Variants in MAML3 observed in about 807,000 individuals in gnomAD.
The protein encoded by MAML3 is mastermind-like protein 3.
MAML3 carries 27 observed loss-of-function variants against 101.9 expected under a neutral mutation model. The ratio of observed to expected loss-of-function variants is 0.27; its 90% CI spans 0.20 to 0.37. The LOEUF is 0.37. Among genes scored for constraint, MAML3 ranks in the 10% least tolerant of loss-of-function variants. The pLI is 1.00. For synonymous variants in MAML3, 501 were observed against 555.9 expected (o/e 0.90, Z 1.39); for missense variants, 1,316 against 1,444.9 (o/e 0.91, Z 1.45).
At chr4:140,011,377 G>A (rs892580133) in intron 1 of MAML3, among the ~76,000 whole-genome samples, 3 of 122,168 alleles carry the variant, frequency 2.5e-5, no homozygotes, top group East Asian at 2.7e-4. Context: ...TCCCTCTGTC[G>A]CCCAGGCCGG....
At chr4:139,923,618 TTGTGTGTG>T (rs3079902) in intron 1 of MAML3, among the ~76,000 whole-genome samples, 1 of 150,320 alleles carries the variant, frequency 6.7e-6, no homozygotes, top group African/African-American at 2.4e-5. Context: ...GGGGTAGTCT[TTGTGTGTG>T]TGTGTGTGTG....
intron 1 of MAML3, among the ~76,000 whole-genome samples, chr4:140,066,424 C>T (rs1727537222): frequency 6.6e-6 from 1 of 152,198 alleles, no homozygotes; most frequent in South Asian, 2.1e-4. Flanking sequence ...CATCGCTCTA[C>T]TTGCTGTTCT....
At chr4:140,099,489 C>G (rs1238108999) in intron 1 of MAML3, among the ~76,000 whole-genome samples, 1 of 152,084 alleles carries the variant, frequency 6.6e-6, no homozygotes, top group Non-Finnish European at 1.5e-5. Context: ...GTCTCGAACT[C>G]CTGGGTTCCA....
intron 2 of MAML3, among the ~76,000 whole-genome samples, chr4:139,770,280 A>G (rs1237892233): frequency 6.6e-6 from 1 of 152,154 alleles, no homozygotes; most frequent in Non-Finnish European, 1.5e-5. Flanking sequence ...AGAAATTTTC[A>G]TTACCTTTGC....
chr4:139,812,884 C>T (rs532067075), intron 2 of MAML3, among the ~76,000 whole-genome samples: 2 of 149,000 alleles, frequency 1.3e-5, no homozygotes, highest in South Asian at 2.1e-4. Flanking sequence ...AAAATGCAGA[C>T]TCCGAATAAA....
At chr4:140,134,650 G>A (rs886097171) in intron 1 of MAML3, 2 of 266,098 alleles carry the variant, frequency 7.5e-6, no homozygotes, top group African/African-American at 4.5e-5. Context: ...TTTTTTTCCA[G>A]TAGATTTTGG....
chr4:140,065,362 AG>A (rs1441871728), intron 1 of MAML3, among the ~76,000 whole-genome samples: 5 of 152,120 alleles, frequency 3.3e-5, no homozygotes, highest in African/African-American at 1.2e-4. Flanking sequence ...AGAAGCGGAA[AG>A]AAAAGAAGTA....
chr4:140,151,112 G>C (rs955651460), intron 1 of MAML3, among the ~76,000 whole-genome samples: 2 of 152,084 alleles, frequency 1.3e-5, no homozygotes, highest in African/African-American at 4.8e-5. Context: ...GCTGGGCCGC[G>C]AGGCGGACAA....
chr4:139,832,108 T>TCAC (rs1477403833), intron 2 of MAML3, among the ~76,000 whole-genome samples: 8 of 128,368 alleles, frequency 6.2e-5, no homozygotes, highest in African/African-American at 1.7e-4. Flanking sequence ...TTTTTTTTTT[T>TCAC]TTTTTTTTTT....
chr4:139,915,874 C>A (rs1733017080), intron 1 of MAML3, among the ~76,000 whole-genome samples: 1 of 152,114 alleles, frequency 6.6e-6, no homozygotes, highest in Admixed American at 6.5e-5. Flanking sequence ...GCCAGAGTAA[C>A]CCTGCTAACA....
At chr4:139,813,747 C>T (rs1383421734) in intron 2 of MAML3, among the ~76,000 whole-genome samples, 2 of 152,064 alleles carry the variant, frequency 1.3e-5, no homozygotes, top group South Asian at 2.1e-4. Flanking sequence ...CTCGGGGTGC[C>T]GGCTCTGCAG....
chr4:139,877,331 G>T (rs1732135324), intron 2 of MAML3, among the ~76,000 whole-genome samples: 1 of 152,062 alleles, frequency 6.6e-6, no homozygotes, highest in Admixed American at 6.6e-5. Context: ...TAGGAAAGCA[G>T]CATTTCCCCC....
chr4:139,892,930 CAA>C (rs572440211), intron 1 of MAML3, among the ~76,000 whole-genome samples: 11 of 69,870 alleles, frequency 1.6e-4, no homozygotes, highest in African/African-American at 1.9e-4. Flanking sequence ...GACTCCGTCT[CAA>C]AAAAAAAAAA....
intron 1 of MAML3, among the ~76,000 whole-genome samples, chr4:139,910,025 T>C (rs770339460): frequency 1.3e-5 from 2 of 151,464 alleles, no homozygotes; most frequent in Non-Finnish European, 2.9e-5. Flanking sequence ...TGGTGAGAGA[T>C]CAACATAAAA....
chr4:139,951,180 T>TA (rs1410319410), intron 1 of MAML3, among the ~76,000 whole-genome samples: 1 of 152,140 alleles, frequency 6.6e-6, no homozygotes, highest in Non-Finnish European at 1.5e-5. Context: ...CTGTTCTTTG[T>TA]AAAGGGCCTG....
intron 1 of MAML3, among the ~76,000 whole-genome samples, chr4:140,137,621 A>G (rs1275500509): frequency 2.0e-5 from 3 of 152,248 alleles, no homozygotes; most frequent in African/African-American, 7.2e-5. Context: ...AGATAGACAT[A>G]AATATTCAAA....
chr4:140,050,788 T>C (rs181139688), intron 1 of MAML3, among the ~76,000 whole-genome samples: 28 of 152,280 alleles, frequency 1.8e-4, no homozygotes, highest in Non-Finnish European at 2.9e-4. Context: ...GAAAACATAG[T>C]CTGAGAAGAG....
chr4:140,034,588 T>C (rs1322174643), intron 1 of MAML3, among the ~76,000 whole-genome samples: 1 of 152,162 alleles, frequency 6.6e-6, no homozygotes, highest in Non-Finnish European at 1.5e-5. Flanking sequence ...TGCTAGATGC[T>C]CCATAACGCC....
At chr4:140,039,793 T>C (rs568954695) in intron 1 of MAML3, among the ~76,000 whole-genome samples, 129 of 152,320 alleles carry the variant, frequency 8.5e-4, no homozygotes, top group African/African-American at 1.9e-3. Context: ...TGCACTGCTG[T>C]ACAATGCCTG....
Sources: allele counts gnomAD v4.1 joint callset (sites outside exome capture counted in the v4.1 genomes callset), GRCh38; gene constraint gnomAD v4.1.1; transcripts MANE v1.5; gene names NCBI Gene and HGNC (gene_info 2026-07-23, HGNC 2026-07-21).